Variants in NALCN observed in about 807,000 individuals in gnomAD.
The protein encoded by NALCN is sodium leak channel NALCN.
NALCN carries 111 observed loss-of-function variants against 225.3 expected under a neutral mutation model. The observed-to-expected ratio is 0.49, with a 90% CI of 0.42 to 0.58. NALCN has a LOEUF of 0.58. NALCN is among the 20% of genes least tolerant of loss of function. The pLI, the probability that NALCN is intolerant of heterozygous loss-of-function variation, is 0.00. For synonymous variants in NALCN, 764 were observed against 769.0 expected (o/e 0.99, Z 0.11); for missense variants, 1,378 against 2,202.4 (o/e 0.63, Z 7.49).
intron 20 of NALCN, 99 bp downstream of exon 20, chr13:101,110,520 G>A (rs2035369843): frequency 1.6e-6 from 2 of 1,271,688 alleles, no homozygotes; most frequent in South Asian, 1.2e-5. Context: ...AAGGAGACAT[G>A]GGAATGCAGC....
chr13:101,183,335 A>C (rs1159143560), intron 14 of NALCN, among the ~76,000 whole-genome samples: 2 of 152,256 alleles, frequency 1.3e-5, no homozygotes, highest in Non-Finnish European at 2.9e-5. Context: ...ACATTAAATC[A>C]CAGGAGTGTC....
intron 7 of NALCN, among the ~76,000 whole-genome samples, chr13:101,295,742 G>A (rs766307192): frequency 6.6e-6 from 1 of 152,174 alleles, no homozygotes; most frequent in Admixed American, 6.5e-5. Context: ...TTTCCCATAC[G>A]TGAACTACAC....
chr13:101,324,932 T>C (rs1278809131), intron 7 of NALCN, among the ~76,000 whole-genome samples: 1 of 152,170 alleles, frequency 6.6e-6, no homozygotes, highest in East Asian at 1.9e-4. Flanking sequence ...TAGCTCTTAT[T>C]ATTTTGAGAT....
In NALCN at chr13:101,070,586, C is replaced by T. The variant is rs1337765463; in HGVS notation, c.4198-1759G>A. Among the ~76,000 whole-genome samples the T allele has an allele frequency of 3.9e-5, 6 of 152,338 alleles. No homozygotes were observed. The East Asian group carries it at 9.6e-4, about 24-fold the overall frequency. On this transcript the variant is annotated intron_variant, in intron 37 of 43. Transcript: ENST00000251127. ...TGAAAACAATGTTAATCTCCTTATACATCTCCTGATACAGCTCTTGGGTGA... is the reference window on the plus strand; with the variant it reads ...TGAAAACAATGTTAATCTCCTTATATATCTCCTGATACAGCTCTTGGGTGA...
rs1190562819 is a variant in NALCN at position 101,055,008 on chromosome 13, G to GCAGA, written c.*283_*286dup. 3 of 374,256 alleles carry GCAGA rather than the reference G, an allele frequency of 8.0e-6. No individual in the cohort carries two copies. Among genetic ancestry groups the GCAGA allele is most frequent in the African/African-American group, 6.2e-5 (3 of 48,532 alleles). The allele number at this position is 374,256 out of a possible 1,614,324, so 23.2% of individuals were successfully genotyped here. The stretch of plus-strand genomic sequence containing the variant: ...CATATGAATATATACCTTAGTTTAC[G>GCAGA]CAGACAGAATATATGACATTTTTAA... On this transcript the variant is annotated 3_prime_UTR_variant, in exon 44 of 44. Transcript: ENST00000251127.
chr13:101,207,786 C>T (rs758885025), intron 13 of NALCN, among the ~76,000 whole-genome samples: 1 of 152,228 alleles, frequency 6.6e-6, no homozygotes, highest in Non-Finnish European at 1.5e-5. Flanking sequence ...ACCACCCAAG[C>T]CAGCAGCAGC....
At chr13:101,147,593 G>A (rs942942258) in intron 15 of NALCN, among the ~76,000 whole-genome samples, 2 of 152,084 alleles carry the variant, frequency 1.3e-5, no homozygotes, top group African/African-American at 4.8e-5. Context: ...TTAAAGATAT[G>A]GGATCTTGCA....
chr13:101,136,355 G>A (rs2036791735), intron 17 of NALCN, among the ~76,000 whole-genome samples: 1 of 152,032 alleles, frequency 6.6e-6, no homozygotes, highest in Admixed American at 6.5e-5. Flanking sequence ...TGCACAACGT[G>A]CAGGTTTGTT....
intron 10 of NALCN, among the ~76,000 whole-genome samples, chr13:101,278,793 T>G (rs138716813): frequency 6.6e-6 from 1 of 152,172 alleles, no homozygotes; most frequent in East Asian, 1.9e-4. Flanking sequence ...AAACTCCAAG[T>G]GTACTGCTTG....
chr13:101,324,171 G>A (rs560670380), intron 7 of NALCN, among the ~76,000 whole-genome samples: 64 of 152,224 alleles, frequency 4.2e-4, no homozygotes, highest in East Asian at 3.5e-3. Flanking sequence ...TTTGGTCACC[G>A]CCAATTAGAA....
intron 9 of NALCN, among the ~76,000 whole-genome samples, chr13:101,284,480 T>C (rs2043272834): frequency 6.6e-6 from 1 of 152,164 alleles, no homozygotes; most frequent in African/African-American, 2.4e-5. Flanking sequence ...CATGGTATCT[T>C]ACCCTCAAGG....
At chr13:101,092,175 A>T (rs1382026707) in intron 28 of NALCN, among the ~76,000 whole-genome samples, 1 of 152,140 alleles carries the variant, frequency 6.6e-6, no homozygotes, top group Admixed American at 6.5e-5. Flanking sequence ...AATTCAGAAA[A>T]CTAAGACATT....
At chr13:101,084,721 A>G (rs1422022882) in intron 30 of NALCN, among the ~76,000 whole-genome samples, 2 of 152,216 alleles carry the variant, frequency 1.3e-5, no homozygotes, top group African/African-American at 4.8e-5. Flanking sequence ...ATCCGAAGTT[A>G]TTCATTTTTG....
At chr13:101,124,807 C>T in intron 17 of NALCN, 126 bp from the exon 18 acceptor site, 1 of 850,910 alleles carries the variant, frequency 1.2e-6, no homozygotes. Flanking sequence ...CATCATCGTA[C>T]AATTGACAAT....
intron 12 of NALCN, among the ~76,000 whole-genome samples, chr13:101,232,514 C>T (rs868833835): frequency 3.3e-5 from 5 of 149,758 alleles, no homozygotes; most frequent in Admixed American, 6.7e-5. Flanking sequence ...GGAGCGATCT[C>T]GGCTCACTGC....
intron 12 of NALCN, among the ~76,000 whole-genome samples, 162 bp from the exon 13 acceptor site, chr13:101,229,746 G>A (rs1485563583): frequency 1.3e-5 from 2 of 151,898 alleles, no homozygotes; most frequent in African/African-American, 4.8e-5. Context: ...ATAACCATTG[G>A]TCTAGCTCAA....
intron 13 of NALCN, among the ~76,000 whole-genome samples, chr13:101,224,075 T>C (rs951289175): frequency 6.6e-6 from 1 of 151,904 alleles, no homozygotes; most frequent in African/African-American, 2.4e-5. Flanking sequence ...CCCCAACTGG[T>C]TTCATTATAC....
intron 11 of NALCN, among the ~76,000 whole-genome samples, chr13:101,251,615 TC>T (rs1201510752): frequency 5.9e-5 from 9 of 152,088 alleles, no homozygotes; most frequent in African/African-American, 1.9e-4. Flanking sequence ...TCACAGATTT[TC>T]AAAGGATAGA....
chr13:101,170,427 C>A (rs1276697385), intron 15 of NALCN, among the ~76,000 whole-genome samples: 1 of 152,124 alleles, frequency 6.6e-6, no homozygotes, highest in Non-Finnish European at 1.5e-5. Context: ...CTCAGGCTAC[C>A]AATTCAAATG....
Sources: gnomAD v4.1 joint callset for allele counts (sites outside exome capture counted in the v4.1 genomes callset) on GRCh38, gnomAD v4.1.1 for gene constraint, MANE v1.5 for transcripts, NCBI Gene and HGNC (gene_info 2026-07-23, HGNC 2026-07-21) for gene names.